The following ELOVL2 variants were observed in gnomAD, a reference collection of about 807,000 sequenced individuals.
The protein encoded by ELOVL2 is ELOVL fatty acid elongase 2.
In ELOVL2, 38 loss-of-function variants were observed where a neutral mutation model predicts 37.7. That is an observed-to-expected ratio of 1.01 (90% confidence interval 0.78 to 1.32). The LOEUF (loss-of-function observed/expected upper bound fraction) is 1.32, where lower values mean the gene tolerates loss of function less well. Ranked by LOEUF, ELOVL2 falls within the 40% of genes most tolerant of loss-of-function variation. ELOVL2 has a pLI of 0.00. For missense variants in ELOVL2, 352 were observed against 363.6 expected, an observed-to-expected ratio of 0.97 and a Z score of 0.26; for synonymous variants, 115 against 122.3, an observed-to-expected ratio of 0.94 and a Z score of 0.40.
At chr6:10,988,170 T>A (rs1297814655) in intron 7 of ELOVL2, among the ~76,000 whole-genome samples, 1 of 152,252 alleles carries the variant, frequency 6.6e-6, no homozygotes, top group Non-Finnish European at 1.5e-5. Flanking sequence ...TTGGAAATCT[T>A]CAAAGGAAAC....
At chr6:11,035,088 T>C (rs568010874) in intron 1 of ELOVL2, among the ~76,000 whole-genome samples, 1 of 152,316 alleles carries the variant, frequency 6.6e-6, no homozygotes, top group African/African-American at 2.4e-5. Flanking sequence ...AAAACAGCCT[T>C]GTCCATAAAT....
Position 11,005,457 on chromosome 6 carries a change from T to G in ELOVL2, c.170A>C (p.Lys57Thr). The change falls in exon 3 of 8, where the codon AAG (lysine) becomes ACG (threonine). Residue 57 changes from lysine to threonine, a missense_variant. Coordinates refer to ENST00000354666, the MANE Select transcript of ELOVL2 (RefSeq NM_017770.4). The part of the protein sequence containing the change: ...LSIWLGNKYM[K>T]NRPALSLRGI... ...CCTGAGAGAAAGAGCAGGTCTGTTC[T>G]TCATATACTTGTTACCCAGCCATAT... 1 of 1,614,144 alleles carries G rather than the reference T, an allele frequency of 6.2e-7. No homozygotes were observed. Among genetic ancestry groups the G allele is most frequent in the Non-Finnish European group, 8.5e-7 (1 of 1,180,002 alleles).
chr6:10,990,338 AT>A lies in ELOVL2; in HGVS notation c.609del (p.Lys203AsnfsTer19). 1 of 1,612,758 alleles carries A rather than the reference AT, an allele frequency of 6.2e-7. No homozygotes were observed. Among genetic ancestry groups the A allele is most frequent in the Non-Finnish European group, 8.5e-7 (1 of 1,179,604 alleles). On this transcript the variant is annotated frameshift_variant, in exon 6 of 8. Coordinates refer to ENST00000354666, the MANE Select transcript of ELOVL2 (RefSeq NM_017770.4). LOFTEE classifies it high-confidence loss of function. ...PSMHKYLWWK[K>X]YLTQAQLVQF... Reference sequence around the variant, plus strand: ...CATACCAGCTGAGCCTGTGTGAGATATTTCTTCCACCAAAGATACTTGTGCA... The same window carrying A: ...CATACCAGCTGAGCCTGTGTGAGATATTCTTCCACCAAAGATACTTGTGCA...
chr6:10,984,967 A>G (rs573063353), intron 7 of ELOVL2, among the ~76,000 whole-genome samples: 16 of 152,220 alleles, frequency 1.1e-4, no homozygotes, highest in Non-Finnish European at 1.9e-4. Flanking sequence ...ACTAGTTTAC[A>G]GTGTAAACAC....
chr6:10,986,177 G>T (rs1173273185), intron 7 of ELOVL2, among the ~76,000 whole-genome samples: 1 of 152,116 alleles, frequency 6.6e-6, no homozygotes, highest in Non-Finnish European at 1.5e-5. Flanking sequence ...AAGAATGCTT[G>T]TGATTTTTTG....
chr6:11,008,886 C>A (rs1782524164), intron 2 of ELOVL2, among the ~76,000 whole-genome samples: 1 of 152,126 alleles, frequency 6.6e-6, no homozygotes. Context: ...GGCCTAAATA[C>A]TCAAGTGATT....
chr6:11,034,020 T>A (rs958656218), intron 1 of ELOVL2, among the ~76,000 whole-genome samples: 3 of 152,200 alleles, frequency 2.0e-5, no homozygotes, highest in African/African-American at 7.2e-5. Flanking sequence ...AGAATACTGA[T>A]ATTCAAATGA....
At chr6:10,993,266 C>T (rs754249862) in intron 5 of ELOVL2, among the ~76,000 whole-genome samples, 1 of 152,124 alleles carries the variant, frequency 6.6e-6, no homozygotes, top group Non-Finnish European at 1.5e-5. Context: ...TGTGTTTTTT[C>T]TTAACAGACA....
intron 1 of ELOVL2, among the ~76,000 whole-genome samples, chr6:11,034,111 A>G (rs1415917473): frequency 1.3e-5 from 2 of 152,228 alleles, no homozygotes; most frequent in East Asian, 3.8e-4. Context: ...GAAGCTGGCA[A>G]TATGAAAATA....
chr6:11,040,109 A>C (rs1783076193), intron 1 of ELOVL2, among the ~76,000 whole-genome samples: 1 of 151,528 alleles, frequency 6.6e-6, no homozygotes, highest in Admixed American at 6.6e-5. Flanking sequence ...GACAACAAAC[A>C]ATATAAAATA....
rs1462250298 is a variant in ELOVL2, at chr6:10,995,029, C to T, written c.483G>A (p.Leu161=). ...TACTTTGTCCACAAGGTATCCAGTT[C>T]AAGACACACCACCAGATGTTAAACA... is the stretch of plus-strand genomic sequence containing the variant. ...ASMFNIWWCV[L]NWIPCGQSFF... Residue 161 remains leucine, a synonymous_variant, in exon 5 of 8, where the codon TTG becomes TTA. Transcript: ENST00000354666. 6.2e-7 allele frequency: 1 copy of T among 1,609,190 alleles called. No homozygotes were observed. The highest frequency in any genetic ancestry group is 1.3e-5 in the African/African-American group (1 of 74,618).
intron 1 of ELOVL2, among the ~76,000 whole-genome samples, chr6:11,037,428 C>G (rs959097790): frequency 6.6e-6 from 1 of 151,610 alleles, no homozygotes; most frequent in South Asian, 2.1e-4. Flanking sequence ...AGATTTAAAT[C>G]TTTAAAGTAT....
At chr6:11,014,705 T>C (rs1427573747) in intron 1 of ELOVL2, among the ~76,000 whole-genome samples, 1 of 152,022 alleles carries the variant, frequency 6.6e-6, no homozygotes, top group South Asian at 2.1e-4. Context: ...TTGGAGTTGG[T>C]AAACAATTTA....
intron 1 of ELOVL2, among the ~76,000 whole-genome samples, chr6:11,030,469 A>G (rs1380012567): frequency 1.3e-5 from 2 of 152,120 alleles, no homozygotes; most frequent in East Asian, 3.9e-4. Flanking sequence ...ATTGTGTCAT[A>G]TTTGCTTCAA....
chr6:11,005,649 C>T (rs1782469280), intron 2 of ELOVL2, 90 bp from the exon 3 acceptor site: 1 of 1,093,372 alleles, frequency 9.1e-7, no homozygotes, highest in African/African-American at 1.6e-5. Flanking sequence ...TTGTACACAC[C>T]AGCACAACAG....
intron 4 of ELOVL2, among the ~76,000 whole-genome samples, chr6:10,995,380 T>C (rs1174376764): frequency 6.6e-6 from 1 of 152,084 alleles, no homozygotes; most frequent in Non-Finnish European, 1.5e-5. Flanking sequence ...GATGAGTTAT[T>C]TTTCCAGAAC....
chr6:11,033,896 A>T (rs1291098562), intron 1 of ELOVL2, among the ~76,000 whole-genome samples: 1 of 152,232 alleles, frequency 6.6e-6, no homozygotes, highest in Admixed American at 6.5e-5. Flanking sequence ...TAGAGAAAAA[A>T]GTTAGGATTG....
chr6:11,044,172 G>A lies in ELOVL2; in HGVS notation c.3+56C>T. 3 of 1,451,240 alleles carry A rather than the reference G, an allele frequency of 2.1e-6. No homozygotes were observed. The highest frequency in any genetic ancestry group is 3.0e-5 in the East Asian group (1 of 33,790). 89.9% of individuals were successfully genotyped at this position (1,451,240 alleles called of 1,614,324 possible). On this transcript the variant is annotated intron_variant, in intron 1 of 7. Transcript: ENST00000354666. This position sits in a 1 kb window ranked among gnomAD's most constrained non-coding sequence, Gnocchi z 5.6. Reference sequence around the variant, plus strand: ...CGGCCCTTTCCCGCCCGGTGCGTGGGTCCAGGAGAGAAAGAAAGCGCGGCG... The same window carrying A: ...CGGCCCTTTCCCGCCCGGTGCGTGGATCCAGGAGAGAAAGAAAGCGCGGCG...
At chr6:11,006,118 G>C (rs563927025) in intron 2 of ELOVL2, among the ~76,000 whole-genome samples, 194 of 152,272 alleles carry the variant, frequency 1.3e-3, no homozygotes, top group African/African-American at 4.5e-3. Flanking sequence ...AATTTGCCTA[G>C]TATCAGTAAT....
Sources: gnomAD v4.1 joint callset for allele counts (sites outside exome capture counted in the v4.1 genomes callset) on GRCh38, gnomAD v4.1.1 for gene constraint, Gnocchi (gnomAD v3.1) non-coding constraint, MANE v1.5 for transcripts, NCBI Gene and HGNC (gene_info 2026-07-23, HGNC 2026-07-21) for gene names.